INPP4B: variants seen among roughly 807,000 people sequenced by gnomAD.
INPP4B encodes inositol polyphosphate 4-phosphatase type II.
A neutral mutation model predicts 122.5 loss-of-function variants in INPP4B; 55 were observed. The observed-to-expected ratio is 0.45, with a 90% CI of 0.36 to 0.56. The LOEUF (loss-of-function observed/expected upper bound fraction) is 0.56. INPP4B is among the 20% of genes least tolerant of loss of function. INPP4B has a pLI of 0.00. For synonymous variants in INPP4B, 403 were observed against 388.7 expected, an observed-to-expected ratio of 1.04 and a Z score of -0.43; for missense variants, 1,000 against 1,097.7, an observed-to-expected ratio of 0.91 and a Z score of 1.26.
intron 12 of INPP4B, among the ~76,000 whole-genome samples, chr4:142,224,947 C>T (rs1026870959): frequency 6.6e-6 from 1 of 152,010 alleles, no homozygotes; most frequent in African/African-American, 2.4e-5. Context: ...GTTTTTTATA[C>T]TAAAGTGACG....
chr4:142,677,905 G>A (rs574209372), intron 2 of INPP4B, among the ~76,000 whole-genome samples: 54 of 149,598 alleles, frequency 3.6e-4, no homozygotes, highest in African/African-American at 1.2e-3. Context: ...ACGGGTTGAT[G>A]GTGCAGCAAA....
chr4:142,093,351 T>C (rs1258138253), intron 23 of INPP4B, among the ~76,000 whole-genome samples: 1 of 152,148 alleles, frequency 6.6e-6, no homozygotes, highest in African/African-American at 2.4e-5. Flanking sequence ...CCCTTTCTGA[T>C]ACCTAACCCA....
intron 5 of INPP4B, among the ~76,000 whole-genome samples, chr4:142,428,674 G>C (rs1347211240): frequency 6.6e-6 from 1 of 152,028 alleles, no homozygotes; most frequent in Non-Finnish European, 1.5e-5. Context: ...GCTTAAACAA[G>C]TCAAAGCTTG....
chr4:142,332,254 T>A (rs1774801189), intron 7 of INPP4B, among the ~76,000 whole-genome samples: 1 of 152,072 alleles, frequency 6.6e-6, no homozygotes, highest in Admixed American at 6.6e-5. Context: ...AAAGAAAAAA[T>A]ATATGACACT....
chr4:142,570,530 G>A (rs1732572623), intron 2 of INPP4B, among the ~76,000 whole-genome samples: 1 of 151,892 alleles, frequency 6.6e-6, no homozygotes, highest in Admixed American at 6.6e-5. Flanking sequence ...CCCTACAATT[G>A]ACTATAAGCT....
At chr4:142,650,322 A>C (rs575612913) in intron 2 of INPP4B, among the ~76,000 whole-genome samples, 3 of 152,174 alleles carry the variant, frequency 2.0e-5, no homozygotes, top group Non-Finnish European at 4.4e-5. Context: ...CAGGCAAAAT[A>C]ACCAGCTAAC....
At chr4:142,151,775 A>C (rs1212037585) in intron 17 of INPP4B, among the ~76,000 whole-genome samples, 1 of 152,228 alleles carries the variant, frequency 6.6e-6, no homozygotes, top group African/African-American at 2.4e-5. Context: ...TTAGTCTTCA[A>C]AATGAAACCT....
At chr4:142,509,097 T>C (rs183454542) in intron 2 of INPP4B, among the ~76,000 whole-genome samples, 148 of 152,294 alleles carry the variant, frequency 9.7e-4, no homozygotes, top group African/African-American at 3.4e-3. Context: ...GTGGAACCAA[T>C]ACAATTTACA....
chr4:142,483,592 T>C (rs1820849736), intron 2 of INPP4B, among the ~76,000 whole-genome samples: 1 of 151,990 alleles, frequency 6.6e-6, no homozygotes. Flanking sequence ...TAGATCAAAC[T>C]GGGAGGCAGA....
chr4:142,074,446 T>A (rs998457054), intron 25 of INPP4B, among the ~76,000 whole-genome samples: 1 of 152,166 alleles, frequency 6.6e-6, no homozygotes, highest in Non-Finnish European at 1.5e-5. Context: ...CACATGTGCA[T>A]GCCTTGTGGC....
chr4:142,128,260 A>G, intron 18 of INPP4B, among the ~76,000 whole-genome samples: 1 of 151,998 alleles, frequency 6.6e-6, no homozygotes, highest in Non-Finnish European at 1.5e-5. Flanking sequence ...GTGCACACAC[A>G]CATACACACA....
intron 2 of INPP4B, among the ~76,000 whole-genome samples, chr4:142,539,527 C>T (rs1048183358): frequency 2.6e-5 from 4 of 151,956 alleles, no homozygotes; most frequent in Admixed American, 6.6e-5. Flanking sequence ...TTCCCTTTGC[C>T]GCTCCCTTCC....
intron 1 of INPP4B, among the ~76,000 whole-genome samples, chr4:142,832,984 A>G (rs561736829): frequency 1.3e-5 from 2 of 152,274 alleles, no homozygotes; most frequent in East Asian, 3.9e-4. Flanking sequence ...TTACATGATA[A>G]TACGCACAAA....
chr4:142,761,773 T>C (rs533640323), intron 1 of INPP4B, among the ~76,000 whole-genome samples: 121 of 152,308 alleles, frequency 7.9e-4, no homozygotes, highest in Non-Finnish European at 1.4e-3. Context: ...AAAGGGAACA[T>C]TGGGGCAGCC....
At chr4:142,498,409 C>A (rs1342829576) in intron 2 of INPP4B, among the ~76,000 whole-genome samples, 2 of 151,934 alleles carry the variant, frequency 1.3e-5, no homozygotes, top group Non-Finnish European at 1.5e-5. Flanking sequence ...TTAGAGCTAC[C>A]TTAAAAGTTG....
intron 8 of INPP4B, among the ~76,000 whole-genome samples, chr4:142,314,068 C>T (rs1766558848): frequency 6.6e-6 from 1 of 152,198 alleles, no homozygotes; most frequent in African/African-American, 2.4e-5. Context: ...TAATTAACTT[C>T]TGGTCTTTTT....
At chr4:142,477,972 T>C (rs949112204) in intron 2 of INPP4B, among the ~76,000 whole-genome samples, 1 of 152,102 alleles carries the variant, frequency 6.6e-6, no homozygotes, top group African/African-American at 2.4e-5. Context: ...CTAGCTAATA[T>C]TTGTATTTTC....
In INPP4B at chr4:142,398,415, T is replaced by A. The variant is rs1447780527; in HGVS notation, c.372+4523A>T. On this transcript the variant is annotated intron_variant, in intron 7 of 25. Transcript: ENST00000262992. ...AAAAAAAAAAAAATATATATATATATATATATATATATATATATATATATA... is the reference window on the plus strand; with the variant it reads ...AAAAAAAAAAAAATATATATATATAAATATATATATATATATATATATATA... Among the ~76,000 whole-genome samples the A allele has an allele frequency of 7.7e-3, 246 of 31,988 alleles. 1 individual carries two copies. Among genetic ancestry groups the A allele is most frequent in the East Asian group, 0.011 (7 of 618 alleles). 21.0% of individuals were successfully genotyped at this position (31,988 alleles called of 152,430 possible). A position where few individuals can be genotyped will look rare whatever the true frequency, so the allele number is the denominator to read the frequency against.
chr4:142,828,845 T>C lies in INPP4B; in HGVS notation c.-254+17364A>G, dbSNP rs549482890. 4.0e-5 allele frequency among the ~76,000 whole-genome samples: 6 copies of C among 151,176 alleles called. No homozygotes were observed. In the South Asian group the frequency reaches 1.0e-3, roughly 26 times the overall value. On this transcript the variant is annotated intron_variant, in intron 1 of 25. Transcript: ENST00000262992. Reference sequence around the variant, plus strand: ...GAAGTATCAAAAATGACTAGACAAGTTTGAAGAGAAAAGAGAATATAATGG... The same window carrying C: ...GAAGTATCAAAAATGACTAGACAAGCTTGAAGAGAAAAGAGAATATAATGG...
Sources: allele counts gnomAD v4.1 joint callset (sites outside exome capture counted in the v4.1 genomes callset), GRCh38; gene constraint gnomAD v4.1.1; transcripts MANE v1.5; gene names NCBI Gene and HGNC (gene_info 2026-07-23, HGNC 2026-07-21).